The following PLEKHA5 variants were observed in gnomAD, a reference collection of about 807,000 sequenced individuals.
PLEKHA5 encodes pleckstrin homology domain-containing family A member 5.
Under a neutral mutation model 181.9 loss-of-function variants are expected in PLEKHA5, and 55 were observed. That is an observed-to-expected ratio of 0.30 (90% CI 0.24 to 0.38). PLEKHA5 has a LOEUF of 0.38. Ranked by LOEUF, PLEKHA5 falls within the 10% of genes least tolerant of loss-of-function variation. The pLI is 1.00. For missense variants in PLEKHA5, 1,432 were observed against 1,549.5 expected (o/e 0.92, Z 1.27); for synonymous variants, 535 against 529.4 (o/e 1.01, Z -0.15).
intron 3 of PLEKHA5, among the ~76,000 whole-genome samples, chr12:19,183,174 G>A (rs1338501227): frequency 2.0e-5 from 3 of 152,126 alleles, no homozygotes; most frequent in Admixed American, 1.3e-4. Flanking sequence ...TACAACTTAA[G>A]GAGTCATGAA....
chr12:19,299,395 T>C (rs2080828303), intron 15 of PLEKHA5, among the ~76,000 whole-genome samples: 1 of 152,226 alleles, frequency 6.6e-6, no homozygotes, highest in African/African-American at 2.4e-5. Context: ...GATCCCTCAT[T>C]ACCATTTAGT....
intron 29 of PLEKHA5, 114 bp from the exon 30 acceptor site, chr12:19,365,850 G>A (rs893676116): frequency 1.6e-6 from 1 of 633,682 alleles, no homozygotes; most frequent in Middle Eastern, 3.3e-4. Context: ...AAGATTAATT[G>A]TAAGAAAATG....
intron 3 of PLEKHA5, among the ~76,000 whole-genome samples, chr12:19,175,792 AT>A (rs2047053667): frequency 6.6e-6 from 1 of 152,210 alleles, no homozygotes; most frequent in Non-Finnish European, 1.5e-5. Flanking sequence ...TTTTGAAATA[AT>A]TTTGAAAAGT....
intron 25 of PLEKHA5, among the ~76,000 whole-genome samples, chr12:19,349,628 CA>C (rs1468439160): frequency 6.6e-6 from 1 of 151,568 alleles, no homozygotes; most frequent in African/African-American, 2.4e-5. Context: ...ATAGATAGGC[CA>C]GGGGTGGTGG....
intron 26 of PLEKHA5, among the ~76,000 whole-genome samples, chr12:19,355,542 A>G (rs953819057): frequency 4.0e-5 from 6 of 151,542 alleles, no homozygotes; most frequent in African/African-American, 1.5e-4. Flanking sequence ...TTTTATTAGT[A>G]GTGACGGGGT....
chr12:19,225,274 G>C (rs368947428), intron 3 of PLEKHA5, among the ~76,000 whole-genome samples: 2 of 152,234 alleles, frequency 1.3e-5, no homozygotes, highest in South Asian at 2.1e-4. Flanking sequence ...TGCCTACTGC[G>C]TGTGTCAGAG....
Position 19,358,314 on chromosome 12 carries a change from A to C in PLEKHA5, c.3225A>C (p.Ile1075=), listed in dbSNP as rs758958556. 6.2e-7 allele frequency: 1 copy of C among 1,613,822 alleles called. No homozygotes were observed. Among genetic ancestry groups the C allele is most frequent in the South Asian group, 1.1e-5 (1 of 91,086 alleles). The part of the protein sequence containing the change: ...RMTVEEQMER[I]RRHQQACLRE... ...CTGTGGAAGAGCAAATGGAAAGAAT[A>C]AGAAGACATCAACAAGCGTGCCTGA... Residue 1075 remains isoleucine (I), a synonymous_variant, in exon 27 of 32, where the codon ATA becomes ATC. Coordinates refer to ENST00000429027, the MANE Select transcript of PLEKHA5 (RefSeq NM_001256470.2).
rs2057145820 is a variant in PLEKHA5, at chr12:19,212,638, TAAAAGAAA to T, written c.228-41291_228-41284del. ...AGACAGGGCAAAACCCTGTCTCGAA[TAAAAGAAA>T]AAAAGAAAAAGAAAAATTAATCCAT... is the stretch of plus-strand genomic sequence containing the variant. On this transcript the variant is annotated intron_variant, in intron 3 of 31. Coordinates refer to ENST00000429027, the MANE Select transcript of PLEKHA5 (RefSeq NM_001256470.2). Among the ~76,000 whole-genome samples, 3 of 152,092 alleles carry T rather than the reference TAAAAGAAA, an allele frequency of 2.0e-5. No homozygotes were observed. The South Asian group carries it at 6.2e-4, about 32-fold the overall frequency.
chr12:19,267,239 G>A (rs1592259588), intron 8 of PLEKHA5, among the ~76,000 whole-genome samples: 1 of 152,146 alleles, frequency 6.6e-6, no homozygotes, highest in South Asian at 2.1e-4. Context: ...AAAAGAGGGG[G>A]GAAGTGCTGC....
intron 15 of PLEKHA5, among the ~76,000 whole-genome samples, chr12:19,293,259 C>T (rs1324819518): frequency 6.6e-6 from 1 of 151,946 alleles, no homozygotes; most frequent in African/African-American, 2.4e-5. Flanking sequence ...TTAGGATAAC[C>T]CTTTGAAAGG....
chr12:19,192,802 A>C (rs1374557000), intron 3 of PLEKHA5, among the ~76,000 whole-genome samples: 1 of 152,246 alleles, frequency 6.6e-6, no homozygotes, highest in South Asian at 2.1e-4. Context: ...GATCAGAGGC[A>C]TGTGGTACTA....
chr12:19,373,745 C>T (rs1425037831), intron 31 of PLEKHA5: 1 of 151,922 alleles, frequency 6.6e-6, no homozygotes, highest in Non-Finnish European at 1.5e-5. Flanking sequence ...ACATTGGACT[C>T]ATTTGATTTC....
chr12:19,262,795 T>G (rs1054588847), intron 7 of PLEKHA5, among the ~76,000 whole-genome samples: 2 of 152,172 alleles, frequency 1.3e-5, no homozygotes, highest in African/African-American at 4.8e-5. Context: ...GGAGACTGAT[T>G]CATTTGTACT....
At chr12:19,225,566 C>G (rs1009731596) in intron 3 of PLEKHA5, among the ~76,000 whole-genome samples, 11 of 152,172 alleles carry the variant, frequency 7.2e-5, no homozygotes, top group Middle Eastern at 3.4e-3. Flanking sequence ...TGTAGAAGAA[C>G]AAGACAGTAG....
intron 26 of PLEKHA5, among the ~76,000 whole-genome samples, chr12:19,354,361 G>A (rs943896697): frequency 6.8e-6 from 1 of 147,272 alleles, no homozygotes; most frequent in Non-Finnish European, 1.5e-5. Context: ...CACCGTGTTA[G>A]CCAGGATGGT....
intron 20 of PLEKHA5, among the ~76,000 whole-genome samples, chr12:19,324,201 C>T (rs530524520): frequency 7.5e-4 from 114 of 152,262 alleles, no homozygotes; most frequent in African/African-American, 2.7e-3. Flanking sequence ...AACTTGGCTT[C>T]TATTCTGAAC....
In PLEKHA5 at chr12:19,278,684, G is replaced by A. The variant is rs904453621; in HGVS notation, c.1313+3701G>A. On this transcript the variant is annotated intron_variant, in intron 11 of 31. Coordinates refer to ENST00000429027, the MANE Select transcript of PLEKHA5 (RefSeq NM_001256470.2). ...AGTTTCTGGCTTTCGTGTGATAGGA[G>A]ACGGTGAAGATGGGGAGGAAGACCA... Among the ~76,000 whole-genome samples, 4 of 152,090 alleles carry A rather than the reference G, an allele frequency of 2.6e-5. No individual in the cohort carries two copies. The East Asian group carries it at 7.7e-4, about 29-fold the overall frequency.
At chr12:19,272,100 A>C (rs1023041983) in intron 10 of PLEKHA5, among the ~76,000 whole-genome samples, 9 of 152,188 alleles carry the variant, frequency 5.9e-5, no homozygotes, top group Non-Finnish European at 1.2e-4. Context: ...CTAACTTTAT[A>C]AAGTATTTCA....
At chr12:19,203,431 G>A (rs372741449) in intron 3 of PLEKHA5, among the ~76,000 whole-genome samples, 13 of 151,812 alleles carry the variant, frequency 8.6e-5, no homozygotes, top group East Asian at 7.8e-4. Flanking sequence ...TCTAGTATTC[G>A]CATTGTCAAT....
Sources: allele counts gnomAD v4.1 joint callset (sites outside exome capture counted in the v4.1 genomes callset), GRCh38; gene constraint gnomAD v4.1.1; transcripts MANE v1.5; gene names NCBI Gene and HGNC (gene_info 2026-07-23, HGNC 2026-07-21).